The following ALK variants were observed in gnomAD, a reference collection of about 807,000 sequenced individuals.
ALK encodes ALK tyrosine kinase receptor.
In ALK, 74 loss-of-function variants were observed where a neutral mutation model predicts 163.1. The observed-to-expected ratio is 0.45, with a 90% confidence interval of 0.38 to 0.55. The LOEUF is 0.55. ALK is among the 20% of genes least tolerant of loss of function. The pLI is 0.00. For missense variants in ALK, 2,063 were observed against 2,105.3 expected, an observed-to-expected ratio of 0.98 and a Z score of 0.39; for synonymous variants, 960 against 843.2, an observed-to-expected ratio of 1.14 and a Z score of -2.40.
intron 4 of ALK, among the ~76,000 whole-genome samples, chr2:29,506,027 G>A (rs1672309772): frequency 1.3e-5 from 2 of 152,232 alleles, no homozygotes; most frequent in South Asian, 4.2e-4. Flanking sequence ...TTTTCTGAGA[G>A]GCATCTCACC....
chr2:29,885,754 C>T (rs1001974337), intron 1 of ALK, among the ~76,000 whole-genome samples: 4 of 152,090 alleles, frequency 2.6e-5, no homozygotes, highest in Admixed American at 2.0e-4. Flanking sequence ...TGACAGTAGA[C>T]AATCCAGAAA....
At chr2:29,697,257 T>G (rs1394950940) in intron 2 of ALK, among the ~76,000 whole-genome samples, 1 of 152,018 alleles carries the variant, frequency 6.6e-6, no homozygotes, top group East Asian at 1.9e-4. Context: ...CGATCTCCTC[T>G]CCAGAGAAGA....
intron 4 of ALK, among the ~76,000 whole-genome samples, chr2:29,416,034 A>G (rs1400618749): frequency 6.6e-6 from 1 of 152,146 alleles, no homozygotes; most frequent in Non-Finnish European, 1.5e-5. Context: ...TTAAACCACC[A>G]GTTTTCCTGC....
At chr2:29,846,602 G>A (rs1318492812) in intron 1 of ALK, among the ~76,000 whole-genome samples, 1 of 152,108 alleles carries the variant, frequency 6.6e-6, no homozygotes, top group Non-Finnish European at 1.5e-5. Context: ...AGAGACTCTG[G>A]TCAGTGCTGT....
chr2:29,818,783 T>C (rs1321056527), intron 1 of ALK, among the ~76,000 whole-genome samples: 1 of 152,202 alleles, frequency 6.6e-6, no homozygotes, highest in Admixed American at 6.5e-5. Context: ...TGCAGAGATA[T>C]CATTAGTAAT....
intron 2 of ALK, among the ~76,000 whole-genome samples, chr2:29,712,316 G>A (rs926030259): frequency 1.3e-5 from 2 of 152,168 alleles, no homozygotes; most frequent in Admixed American, 1.3e-4. Context: ...CATGAGCTAG[G>A]AAAGAGCTTG....
chr2:29,563,651 A>C (rs1157675707), intron 3 of ALK, among the ~76,000 whole-genome samples: 1 of 152,218 alleles, frequency 6.6e-6, no homozygotes, highest in African/African-American at 2.4e-5. Flanking sequence ...GGCTAACTCC[A>C]TGTTGCTCCT....
chr2:29,762,193 A>G (rs1183516413), intron 1 of ALK, among the ~76,000 whole-genome samples: 2 of 152,242 alleles, frequency 1.3e-5, no homozygotes, highest in Non-Finnish European at 2.9e-5. Context: ...ACAATACTTA[A>G]TCTGAACATC....
intron 4 of ALK, among the ~76,000 whole-genome samples, chr2:29,450,963 C>T (rs114427260): frequency 3.3e-5 from 5 of 152,064 alleles, no homozygotes; most frequent in South Asian, 4.2e-4. Flanking sequence ...ATAAGCTGCT[C>T]GAGGTGACTT....
chr2:29,734,772 C>T (rs892554126), intron 1 of ALK, among the ~76,000 whole-genome samples: 45 of 151,826 alleles, frequency 3.0e-4, no homozygotes, highest in Non-Finnish European at 5.2e-4. Context: ...CTACTTTTCA[C>T]TTATTGAATT....
intron 23 of ALK, among the ~76,000 whole-genome samples, chr2:29,216,996 T>C (rs1412475261): frequency 5.3e-5 from 7 of 132,018 alleles, no homozygotes; most frequent in South Asian, 2.4e-4. Flanking sequence ...GCATGTGAGG[T>C]GTGTGTGGTG....
intron 3 of ALK, among the ~76,000 whole-genome samples, chr2:29,672,025 G>C (rs901578734): frequency 4.1e-5 from 6 of 147,958 alleles, no homozygotes; most frequent in African/African-American, 1.5e-4. Context: ...GGCAATAATA[G>C]TTTGGTATAC....
At chr2:29,580,851 A>G (rs1202955294) in intron 3 of ALK, among the ~76,000 whole-genome samples, 2 of 152,152 alleles carry the variant, frequency 1.3e-5, no homozygotes, top group African/African-American at 2.4e-5. Context: ...GGTCAGCTCT[A>G]TGGGGTTTTG....
At chr2:29,430,931 T>C (rs527255958) in intron 4 of ALK, among the ~76,000 whole-genome samples, 15 of 151,812 alleles carry the variant, frequency 9.9e-5, no homozygotes, top group African/African-American at 3.6e-4. Context: ...GCATTCCAGA[T>C]TGACTGCAGC....
intron 5 of ALK, among the ~76,000 whole-genome samples, chr2:29,363,797 C>G (rs547167929): frequency 6.6e-6 from 1 of 152,312 alleles, no homozygotes; most frequent in Non-Finnish European, 1.5e-5. Flanking sequence ...ACTCAGCCAT[C>G]TCTTCAGAAA....
intron 5 of ALK, among the ~76,000 whole-genome samples, chr2:29,374,421 G>GTGCT (rs768219572): frequency 6.0e-5 from 9 of 150,664 alleles, no homozygotes; most frequent in Admixed American, 2.6e-4. Context: ...CCTTTATTGA[G>GTGCT]TGCTTGCCAT....
At chr2:29,349,470 G>A (rs1668049173) in intron 5 of ALK, among the ~76,000 whole-genome samples, 1 of 152,228 alleles carries the variant, frequency 6.6e-6, no homozygotes, top group African/African-American at 2.4e-5. Flanking sequence ...AAATCAGAGT[G>A]CATTATGCTA....
chr2:29,711,555 G>A (rs1679101291), intron 2 of ALK, among the ~76,000 whole-genome samples: 1 of 152,116 alleles, frequency 6.6e-6, no homozygotes, highest in East Asian at 1.9e-4. Context: ...GGCACTCCAC[G>A]ACTGTTGACA....
At chr2:29,898,933 T>C (rs1385650726) in intron 1 of ALK, among the ~76,000 whole-genome samples, 4 of 152,344 alleles carry the variant, frequency 2.6e-5, no homozygotes, top group African/African-American at 9.6e-5. Context: ...TGTGACTACC[T>C]GGCAGGCACT....
Sources: allele counts gnomAD v4.1 joint callset (sites outside exome capture counted in the v4.1 genomes callset), GRCh38; gene constraint gnomAD v4.1.1; transcripts MANE v1.5; gene names NCBI Gene and HGNC (gene_info 2026-07-23, HGNC 2026-07-21).